The following SBF2 variants were observed in gnomAD, a reference collection of about 807,000 sequenced individuals.
SBF2 encodes the protein SET binding factor 2.
Under a neutral mutation model 225.2 loss-of-function variants are expected in SBF2, and 112 were observed. That is an observed-to-expected ratio of 0.50 (90% CI 0.43 to 0.58). The LOEUF (loss-of-function observed/expected upper bound fraction) is 0.58. Among genes scored for constraint, SBF2 ranks in the 20% least tolerant of loss-of-function variants. SBF2 has a pLI of 0.00. For synonymous variants in SBF2, 763 were observed against 773.3 expected (o/e 0.99, Z 0.22); for missense variants, 1,996 against 2,206.2 (o/e 0.90, Z 1.91).
intron 2 of SBF2, chr11:10,149,617 T>C (rs955989041): frequency 6.6e-6 from 1 of 152,174 alleles, no homozygotes; most frequent in African/African-American, 2.4e-5. Flanking sequence ...CATCCCAATA[T>C]GCTGTATGTG....
chr11:10,188,931 G>A (rs1344452478), intron 2 of SBF2, among the ~76,000 whole-genome samples: 2 of 152,072 alleles, frequency 1.3e-5, no homozygotes, highest in South Asian at 2.1e-4. Flanking sequence ...TTCATACTTC[G>A]TAGCAGTTTT....
Position 10,177,488 on chromosome 11 carries a change from G to A in SBF2, c.141+16414C>T, listed in dbSNP as rs1195221010. On this transcript the variant is annotated intron_variant, in intron 2 of 39. Transcript: ENST00000256190. Reference sequence around the variant, plus strand: ...CTCCTTAAGCTGATAAGCAACTTCAGCAAAGTCTCAGCATACAAAATCAAT... The same window carrying A: ...CTCCTTAAGCTGATAAGCAACTTCAACAAAGTCTCAGCATACAAAATCAAT... 1.3e-5 allele frequency among the ~76,000 whole-genome samples: 2 copies of A among 150,540 alleles called. 1 individual carries two copies. Among genetic ancestry groups the A allele is most frequent in the East Asian group, 4.0e-4 (2 of 4,964 alleles).
At chr11:10,078,451 A>T (rs890510352) in intron 2 of SBF2, among the ~76,000 whole-genome samples, 3 of 152,226 alleles carry the variant, frequency 2.0e-5, no homozygotes, top group African/African-American at 7.2e-5. Context: ...ATGCAGCCAT[A>T]AAAAAGGATG....
chr11:10,002,754 G>A, intron 6 of SBF2, 65 bp from the exon 7 acceptor site: 2 of 1,488,030 alleles, frequency 1.3e-6, no homozygotes, highest in South Asian at 2.3e-5. Context: ...AACAATCATA[G>A]ACAGTATACA....
intron 2 of SBF2, among the ~76,000 whole-genome samples, chr11:10,151,386 T>A (rs1195879216): frequency 6.6e-6 from 1 of 152,186 alleles, no homozygotes; most frequent in Non-Finnish European, 1.5e-5. Flanking sequence ...TTGTTGAAAG[T>A]CAAAGAAACA....
intron 2 of SBF2, among the ~76,000 whole-genome samples, chr11:10,091,087 A>G (rs879789716): frequency 6.6e-6 from 1 of 152,194 alleles, no homozygotes; most frequent in Non-Finnish European, 1.5e-5. Flanking sequence ...TCAAGATACT[A>G]TGCTAACAAA....
intron 13 of SBF2, among the ~76,000 whole-genome samples, chr11:9,974,816 C>T (rs575334908): frequency 6.6e-6 from 1 of 151,086 alleles, no homozygotes; most frequent in Non-Finnish European, 1.5e-5. Context: ...TAAAATTAGC[C>T]AGGTGTGGTG....
intron 17 of SBF2, among the ~76,000 whole-genome samples, chr11:9,869,081 C>A (rs1233145440): frequency 1.3e-5 from 2 of 152,170 alleles, no homozygotes; most frequent in Non-Finnish European, 2.9e-5. Flanking sequence ...ACAGGCATAG[C>A]CTGTATTAGA....
At chr11:9,807,257 G>A (rs1853905553) in intron 32 of SBF2, among the ~76,000 whole-genome samples, 1 of 152,162 alleles carries the variant, frequency 6.6e-6, no homozygotes, top group African/African-American at 2.4e-5. Context: ...TCCTGACCAA[G>A]GCCCCATCCA....
chr11:9,918,620 C>A (rs565338188), intron 16 of SBF2, among the ~76,000 whole-genome samples: 61 of 152,338 alleles, frequency 4.0e-4, no homozygotes, highest in Non-Finnish European at 6.5e-4. Flanking sequence ...ATCCACACAT[C>A]TTGGCCTTCC....
At chr11:10,274,704 T>C (rs1224939944) in intron 1 of SBF2, among the ~76,000 whole-genome samples, 1 of 149,778 alleles carries the variant, frequency 6.7e-6, no homozygotes, top group African/African-American at 2.5e-5. Context: ...TGAGCCGAGA[T>C]TGTGCCACTG....
At chr11:10,160,012 T>C (rs1429676536) in intron 2 of SBF2, among the ~76,000 whole-genome samples, 5 of 152,152 alleles carry the variant, frequency 3.3e-5, no homozygotes, top group Admixed American at 6.5e-5. Flanking sequence ...TTCCCCTGTC[T>C]TGATGAATCA....
At chr11:9,879,331 T>C (rs1859545686) in intron 17 of SBF2, among the ~76,000 whole-genome samples, 1 of 152,240 alleles carries the variant, frequency 6.6e-6, no homozygotes, top group Non-Finnish European at 1.5e-5. Flanking sequence ...GTTTTGCATT[T>C]TCCATTCTTT....
At chr11:10,162,798 TC>T (rs1955809128) in intron 2 of SBF2, among the ~76,000 whole-genome samples, 1 of 152,136 alleles carries the variant, frequency 6.6e-6, no homozygotes, top group South Asian at 2.1e-4. Flanking sequence ...AGAAGAAACA[TC>T]CAAAACTATA....
chr11:9,911,771 C>T (rs1392810597), intron 16 of SBF2, among the ~76,000 whole-genome samples: 1 of 152,090 alleles, frequency 6.6e-6, no homozygotes. Flanking sequence ...TTTGCTTTAC[C>T]ATTTCTATGT....
intron 16 of SBF2, among the ~76,000 whole-genome samples, chr11:9,919,266 TC>T (rs1863384048): frequency 7.9e-5 from 8 of 100,658 alleles, no homozygotes; most frequent in African/African-American, 2.2e-4. Context: ...TTCTTCTTCT[TC>T]TTCTTTTTTT....
chr11:9,973,852 T>C (rs11042575), intron 13 of SBF2, among the ~76,000 whole-genome samples: 70,167 of 152,036 alleles, frequency 0.46, 17,012 homozygotes, highest in Non-Finnish European at 0.54. Context: ...TTTTCCTATG[T>C]ATTGGTCTCA....
At chr11:9,942,092 G>A (rs1324968825) in intron 16 of SBF2, among the ~76,000 whole-genome samples, 2 of 152,166 alleles carry the variant, frequency 1.3e-5, no homozygotes, top group Non-Finnish European at 2.9e-5. Context: ...TATTTTTTGA[G>A]GCAGGGTCTC....
chr11:9,927,570 TTAAA>T (rs1055580338), intron 16 of SBF2, among the ~76,000 whole-genome samples: 1 of 151,778 alleles, frequency 6.6e-6, no homozygotes, highest in Non-Finnish European at 1.5e-5. Context: ...AAATAAAAAA[TTAAA>T]TAAAAAAATA....
Sources: allele counts gnomAD v4.1 joint callset (sites outside exome capture counted in the v4.1 genomes callset), GRCh38; gene constraint gnomAD v4.1.1; transcripts MANE v1.5; gene names NCBI Gene and HGNC (gene_info 2026-07-23, HGNC 2026-07-21).